Variants in ANK2 observed in about 807,000 individuals in gnomAD.
ANK2 encodes the protein ankyrin-2.
A neutral mutation model predicts 360.5 loss-of-function variants in ANK2; 83 were observed. The observed-to-expected ratio is 0.23, with a 90% CI of 0.19 to 0.28. The LOEUF (loss-of-function observed/expected upper bound fraction) is 0.28. ANK2 is among the 10% of genes least tolerant of loss of function. The probability of loss-of-function intolerance (pLI) is 1.00; values close to 1 mark genes in which losing one functional copy is unlikely to be tolerated. For missense variants in ANK2, 4,201 were observed against 4,795.7 expected (o/e 0.88, Z 3.66); for synonymous variants, 1,740 against 1,759.5 (o/e 0.99, Z 0.28).
chr4:112,788,724 G>C, the ANK2 span: 2,328 of 1,593,470 alleles, frequency 1.5e-3, 23 homozygotes, highest in African/African-American at 0.027. Flanking sequence ...CACAAAGCGG[G>C]TGAGGTCTCT....
At chr4:113,301,845 A>T (rs1003792226) in intron 22 of ANK2, among the ~76,000 whole-genome samples, 1 of 152,242 alleles carries the variant, frequency 6.6e-6, no homozygotes, top group Admixed American at 6.5e-5. Context: ...GAGTGCAAGA[A>T]TGATTATAAA....
intron 1 of ANK2, among the ~76,000 whole-genome samples, chr4:112,865,441 C>A (rs988915378): frequency 6.6e-6 from 1 of 152,078 alleles, no homozygotes; most frequent in African/African-American, 2.4e-5. Flanking sequence ...AAGACTTCTT[C>A]TTTTAAAAAG....
At chr4:112,886,275 T>G (rs2078317119) in intron 1 of ANK2, among the ~76,000 whole-genome samples, 2 of 152,120 alleles carry the variant, frequency 1.3e-5, no homozygotes, top group South Asian at 4.1e-4. Context: ...CTGGCTCAGC[T>G]AGAATATAAA....
At chr4:112,927,988 T>A (rs1292951885) in intron 2 of ANK2, among the ~76,000 whole-genome samples, 3 of 152,224 alleles carry the variant, frequency 2.0e-5, no homozygotes, top group Non-Finnish European at 4.4e-5. Flanking sequence ...CTACATAATT[T>A]ATAAGCTCTT....
the ANK2 span, among the ~76,000 whole-genome samples, chr4:112,810,143 A>G: frequency 3.9e-4 from 9 of 23,048 alleles, no homozygotes; most frequent in Admixed American, 3.1e-3. Context: ...ATATATATAT[A>G]TATATATATA....
chr4:112,741,599 G>A, the ANK2 span, among the ~76,000 whole-genome samples: 2 of 152,132 alleles, frequency 1.3e-5, no homozygotes, highest in African/African-American at 2.4e-5. Flanking sequence ...TTTGTTTTGG[G>A]TATAACTAAA....
chr4:112,975,904 A>G (rs890026633), intron 2 of ANK2, among the ~76,000 whole-genome samples: 11 of 152,182 alleles, frequency 7.2e-5, no homozygotes, highest in African/African-American at 2.4e-4. Flanking sequence ...GATATGATCA[A>G]TCTGTGTCTG....
At chr4:113,304,493 T>C (rs2076340851) in intron 23 of ANK2, among the ~76,000 whole-genome samples, 1 of 152,202 alleles carries the variant, frequency 6.6e-6, no homozygotes. Context: ...GTACTGTTAA[T>C]GATTTTGCAA....
chr4:113,072,967 T>TC (rs1350530417), intron 1 of ANK2, among the ~76,000 whole-genome samples: 1 of 131,104 alleles, frequency 7.6e-6, no homozygotes, highest in African/African-American at 3.0e-5. Context: ...TTTTTTTTTT[T>TC]TTTTTTTTTT....
chr4:113,233,786 A>G lies in ANK2; in HGVS notation c.483+1527A>G, dbSNP rs144516937. On this transcript the variant is annotated intron_variant, in intron 5 of 45. Coordinates refer to ENST00000357077, the MANE Select transcript of ANK2 (RefSeq NM_001148.6). ...CATGTTTCCTACCTATGACTGGAAA[A>G]CACAACTACCCAGTATGAAATGTTT... Among the ~76,000 whole-genome samples the G allele has an allele frequency of 8.7e-3, 1,326 of 152,256 alleles. 37 individuals carry two copies. The highest frequency in any genetic ancestry group is 0.052 in the East Asian group (270 of 5,176).
intron 1 of ANK2, among the ~76,000 whole-genome samples, chr4:113,063,506 T>C (rs2074387636): frequency 6.6e-6 from 1 of 152,108 alleles, no homozygotes; most frequent in South Asian, 2.1e-4. Flanking sequence ...ATTTAGTATA[T>C]TTTATGTGGA....
In ANK2 at chr4:113,381,741, C is replaced by G; in HGVS notation, c.*270C>G. On this transcript the variant is annotated 3_prime_UTR_variant, in exon 46 of 46. Coordinates refer to ENST00000357077, the MANE Select transcript of ANK2 (RefSeq NM_001148.6). ...CTAACTGGCCTAATTAATGGGATAC[C>G]CCGACATTTCCACTGTTAGCAAATA... is the stretch of plus-strand genomic sequence containing the variant. 8.1e-7 allele frequency: 1 copy of G among 1,229,990 alleles called. No homozygotes were observed. The highest frequency in any genetic ancestry group is 2.6e-5 in the East Asian group (1 of 38,168). 76.2% of individuals were successfully genotyped at this position (1,229,990 alleles called of 1,614,324 possible).
chr4:112,970,645 T>A (rs979003471), intron 2 of ANK2, among the ~76,000 whole-genome samples: 3 of 152,250 alleles, frequency 2.0e-5, no homozygotes, highest in African/African-American at 7.2e-5. Flanking sequence ...TACAAATGTT[T>A]CAGGGCAGCT....
chr4:113,201,112 A>G (rs2098824184), intron 4 of ANK2, among the ~76,000 whole-genome samples: 1 of 151,814 alleles, frequency 6.6e-6, no homozygotes, highest in Non-Finnish European at 1.5e-5. Flanking sequence ...CCAAAGTGGT[A>G]TTGCTTTGGG....
chr4:113,175,873 C>T (rs552349183), intron 2 of ANK2, among the ~76,000 whole-genome samples: 58 of 152,230 alleles, frequency 3.8e-4, no homozygotes, highest in African/African-American at 1.3e-3. Flanking sequence ...TGTCTCTTAC[C>T]GTGAAAACAT....
intron 2 of ANK2, among the ~76,000 whole-genome samples, chr4:113,004,919 A>G (rs1272868579): frequency 1.3e-5 from 2 of 152,200 alleles, no homozygotes; most frequent in Non-Finnish European, 2.9e-5. Context: ...CTGAAATGTC[A>G]TCACGTGGCG....
intron 1 of ANK2, among the ~76,000 whole-genome samples, chr4:113,159,206 C>G (rs1364769855): frequency 1.3e-5 from 2 of 151,394 alleles, no homozygotes; most frequent in Non-Finnish European, 2.9e-5. Flanking sequence ...CACACACACA[C>G]ACACACACAC....
chr4:112,815,078 T>C (rs1437128096), upstream of ANK2, among the ~76,000 whole-genome samples: 1 of 151,870 alleles, frequency 6.6e-6, no homozygotes, highest in African/African-American at 2.4e-5. Flanking sequence ...GGTTTCACCA[T>C]GTTGGCTGGC....
At chr4:112,711,614 C>T in the ANK2 span, among the ~76,000 whole-genome samples, 49 of 151,624 alleles carry the variant, frequency 3.2e-4, no homozygotes, top group Non-Finnish European at 4.4e-4. Context: ...GTCAGGAGTT[C>T]GAGACCAGCA....
Sources: allele counts gnomAD v4.1 joint callset (sites outside exome capture counted in the v4.1 genomes callset), GRCh38; gene constraint gnomAD v4.1.1; transcripts MANE v1.5; gene names NCBI Gene and HGNC (gene_info 2026-07-23, HGNC 2026-07-21).